GFRA2: variants seen among roughly 807,000 people sequenced by gnomAD.
GFRA2 encodes the protein GDNF family receptor alpha-2.
GFRA2 carries 17 observed loss-of-function variants against 48.3 expected under a neutral mutation model. That is an observed-to-expected ratio of 0.35 (90% CI 0.24 to 0.53). The LOEUF (loss-of-function observed/expected upper bound fraction) is 0.53, where lower values mean the gene tolerates loss of function less well. Ranked by LOEUF, GFRA2 falls within the 20% of genes least tolerant of loss-of-function variation. GFRA2 has a pLI of 0.93. For synonymous variants in GFRA2, 305 were observed against 257.2 expected (o/e 1.19, Z -1.78); for missense variants, 660 against 637.3 (o/e 1.04, Z -0.38).
intron 4 of GFRA2, among the ~76,000 whole-genome samples, chr8:21,722,664 T>A (rs73669527): frequency 0.075 from 11,375 of 152,128 alleles, 1,404 homozygotes; most frequent in African/African-American, 0.26. Flanking sequence ...CTCCAACCGA[T>A]ACACGCGTGG....
At chr8:21,803,231 G>A (rs1435757019) in intron 2 of GFRA2, among the ~76,000 whole-genome samples, 1 of 152,154 alleles carries the variant, frequency 6.6e-6, no homozygotes, top group Non-Finnish European at 1.5e-5. Context: ...CAGTCATTGA[G>A]GCAAGAGGAG....
intron 4 of GFRA2, among the ~76,000 whole-genome samples, chr8:21,725,740 G>A (rs1250912507): frequency 6.6e-6 from 1 of 152,184 alleles, no homozygotes; most frequent in Non-Finnish European, 1.5e-5. Flanking sequence ...TGGCACAGCT[G>A]GGAAGTGTGG....
chr8:21,708,452 G>C (rs1272192311), intron 4 of GFRA2, among the ~76,000 whole-genome samples: 1 of 152,160 alleles, frequency 6.6e-6, no homozygotes, highest in African/African-American at 2.4e-5. Context: ...AGGGGACAGA[G>C]ACTCTTAACA....
chr8:21,791,104 C>G (rs1194501758), upstream of GFRA2, among the ~76,000 whole-genome samples: 4 of 152,114 alleles, frequency 2.6e-5, no homozygotes, highest in African/African-American at 9.7e-5. Flanking sequence ...TATCCCTCTC[C>G]CCTTCCCCAC....
chr8:21,720,136 G>C (rs1284678246), intron 4 of GFRA2, among the ~76,000 whole-genome samples: 1 of 115,322 alleles, frequency 8.7e-6, no homozygotes, highest in East Asian at 2.6e-4. Context: ...GATTCAGAGA[G>C]ATTCTTGCAT....
At chr8:21,788,049 G>A (rs1407438172) in intron 1 of GFRA2, 71 bp downstream of exon 1, 2 of 124,660 alleles carry the variant, frequency 1.6e-5, no homozygotes, top group African/African-American at 8.0e-5. Flanking sequence ...GCCCCCCACC[G>A]GCGCTCCGCT....
rs562355025 is a variant in GFRA2, at chr8:21,728,813, A to G, written c.794+21775T>C. 4.6e-5 allele frequency among the ~76,000 whole-genome samples: 7 copies of G among 152,346 alleles called. No homozygotes were observed. The East Asian group carries it at 1.4e-3, about 29-fold the overall frequency. On this transcript the variant is annotated intron_variant, in intron 4 of 8. Transcript: ENST00000524240. ...AGAGTGGGGACCTCAAAGGGTTATA[A>G]AGGGTACGTATGCACGGTTTGACAT... is the stretch of plus-strand genomic sequence containing the variant.
At chr8:21,796,214 T>C (rs1219836382) in intron 2 of GFRA2, among the ~76,000 whole-genome samples, 1 of 152,254 alleles carries the variant, frequency 6.6e-6, no homozygotes, top group East Asian at 1.9e-4. Context: ...GTCCTGAAGT[T>C]GGTGCTGTGT....
chr8:21,763,963 ACACACACACACACACAC>A, intron 3 of GFRA2, among the ~76,000 whole-genome samples: 1 of 21,724 alleles, frequency 4.6e-5, no homozygotes, highest in Non-Finnish European at 8.5e-5. Context: ...ACACACACAC[ACACACACACACACACAC>A]ACACACACAC....
chr8:21,728,265 GTTTTTTTTTTTTTTT>G (rs34490346), intron 4 of GFRA2, among the ~76,000 whole-genome samples: 2 of 65,310 alleles, frequency 3.1e-5, no homozygotes, highest in East Asian at 1.1e-3. Context: ...CGGGAACCAG[GTTTTTTTTTTTTTTT>G]TTTTTTTTTT....
intron 3 of GFRA2, among the ~76,000 whole-genome samples, chr8:21,755,696 C>T (rs1805533829): frequency 6.6e-6 from 1 of 152,098 alleles, no homozygotes; most frequent in Non-Finnish European, 1.5e-5. Context: ...TACAGGAGGA[C>T]TCAGAGGAAG....
At chr8:21,722,306 T>C (rs1318228185) in intron 4 of GFRA2, among the ~76,000 whole-genome samples, 2 of 152,044 alleles carry the variant, frequency 1.3e-5, no homozygotes, top group East Asian at 3.9e-4. Context: ...CATAGCGCCT[T>C]AGGAGGAGGG....
intron 4 of GFRA2, among the ~76,000 whole-genome samples, chr8:21,722,687 A>G (rs1803660914): frequency 6.6e-6 from 1 of 152,172 alleles, no homozygotes; most frequent in Non-Finnish European, 1.5e-5. Context: ...ACACACCCTC[A>G]GTGAAAGAGT....
intron 4 of GFRA2, among the ~76,000 whole-genome samples, chr8:21,707,520 C>T (rs978204971): frequency 2.6e-5 from 4 of 152,092 alleles, no homozygotes; most frequent in Non-Finnish European, 4.4e-5. Flanking sequence ...TGGAGGCCCC[C>T]GCGATCCTGA....
At chr8:21,806,112 C>T (rs939763688) in intron 1 of GFRA2, among the ~76,000 whole-genome samples, 1 of 152,210 alleles carries the variant, frequency 6.6e-6, no homozygotes, top group Non-Finnish European at 1.5e-5. Context: ...CAAGCCTCCT[C>T]TCCACAAAAC....
chr8:21,774,334 C>T (rs1315294987), intron 3 of GFRA2, among the ~76,000 whole-genome samples: 4 of 152,150 alleles, frequency 2.6e-5, no homozygotes, highest in Admixed American at 6.5e-5. Context: ...CCAATGGAGA[C>T]GGTATCACTT....
chr8:21,773,816 G>A (rs1416323461), intron 3 of GFRA2, among the ~76,000 whole-genome samples: 1 of 152,198 alleles, frequency 6.6e-6, no homozygotes, highest in Non-Finnish European at 1.5e-5. Flanking sequence ...GGCAGTGACT[G>A]TGCCCCCCAG....
At position 21,692,716 on chromosome 8, in the gene GFRA2, C is replaced by CT. The variant is rs1801934539; in HGVS notation, c.*561dup. On this transcript the variant is annotated 3_prime_UTR_variant, in exon 9 of 9. Coordinates refer to ENST00000524240, the MANE Select transcript of GFRA2 (RefSeq NM_001495.5). ...ATCCGTGGGGAAGTTCCCACACCAG[C>CT]TGCAGACCCACCAGCCCCACCCGAG... is the stretch of plus-strand genomic sequence containing the variant. 1 of 152,628 alleles carries CT rather than the reference C, an allele frequency of 6.6e-6. No individual in the cohort carries two copies. Among genetic ancestry groups the CT allele is most frequent in the African/African-American group, 2.4e-5 (1 of 41,462 alleles). 9.5% of individuals were successfully genotyped at this position (152,628 alleles called of 1,614,324 possible).
chr8:21,750,908 G>A lies in GFRA2; in HGVS notation c.474C>T (p.Ser158=), dbSNP rs1403215308. 6.2e-7 allele frequency: 1 copy of A among 1,613,242 alleles called. No homozygotes were observed. The highest frequency in any genetic ancestry group is 1.1e-5 in the South Asian group (1 of 91,042). The change falls in exon 4 of 9, where the codon AGC becomes AGT. Residue 158 remains serine, a synonymous_variant. Transcript: ENST00000524240. This position sits in a 1 kb window ranked among gnomAD's most constrained non-coding sequence, Gnocchi z 5.7. Reference sequence around the variant, plus strand: ...CCTTGGCAGCATCCAGGCAATGGTTGCTCTTGGCGCTGACCACCGGGTCTG... The same window carrying A: ...CCTTGGCAGCATCCAGGCAATGGTTACTCTTGGCGCTGACCACCGGGTCTG... ...TGADPVVSAK[S]NHCLDAAKAC... is the part of the protein sequence containing the mutation.
Sources: allele counts gnomAD v4.1 joint callset (sites outside exome capture counted in the v4.1 genomes callset), GRCh38; gene constraint gnomAD v4.1.1; non-coding constraint Gnocchi (gnomAD v3.1); transcripts MANE v1.5; gene names NCBI Gene and HGNC (gene_info 2026-07-23, HGNC 2026-07-21).